The following FAT3 variants were observed in gnomAD, a reference collection of about 807,000 sequenced individuals.
FAT3 encodes the protein FAT atypical cadherin 3, also known as protocadherin Fat 3.
A neutral mutation model predicts 310.2 loss-of-function variants in FAT3; 95 were observed. The observed-to-expected ratio is 0.31, with a 90% confidence interval of 0.26 to 0.36. The LOEUF (loss-of-function observed/expected upper bound fraction) is 0.36, where lower values mean the gene tolerates loss of function less well. Among genes scored for constraint, FAT3 ranks in the 10% least tolerant of loss-of-function variants. The pLI, the probability that FAT3 is intolerant of heterozygous loss-of-function variation, is 1.00. For synonymous variants in FAT3, 2,314 were observed against 2,192.9 expected, an observed-to-expected ratio of 1.06 and a Z score of -1.54; for missense variants, 5,408 against 5,715.6, an observed-to-expected ratio of 0.95 and a Z score of 1.74.
chr11:92,631,099 G>C (rs1941542716), intron 3 of FAT3, among the ~76,000 whole-genome samples: 1 of 152,122 alleles, frequency 6.6e-6, no homozygotes, highest in Non-Finnish European at 1.5e-5. Context: ...CACCAAACTA[G>C]GTCAGCTGGA....
intron 6 of FAT3, chr11:92,766,599 G>A (rs1037694105): frequency 6.6e-6 from 1 of 152,234 alleles, no homozygotes; most frequent in Non-Finnish European, 1.5e-5. Flanking sequence ...TGAAATGATG[G>A]TGGAACATTT....
At chr11:92,506,109 A>G (rs751155596) in intron 2 of FAT3, among the ~76,000 whole-genome samples, 2 of 152,154 alleles carry the variant, frequency 1.3e-5, no homozygotes, top group African/African-American at 2.4e-5. Flanking sequence ...AAAATTCCCC[A>G]TAAAACACAC....
At chr11:92,253,112 C>G (rs1047742796) in intron 1 of FAT3, among the ~76,000 whole-genome samples, 1 of 152,008 alleles carries the variant, frequency 6.6e-6, no homozygotes, top group Non-Finnish European at 1.5e-5. Flanking sequence ...CACTGTTTTG[C>G]AGGCTCACTT....
Position 92,304,860 on chromosome 11 carries a change from C to A in FAT3, c.-17-47236C>A, listed in dbSNP as rs1947081504. ...ATCCTATGGGTCCTTTTGGGAGGGA[C>A]AGTTGCATCATGCTGGGTGAGGATG... On this transcript the variant is annotated intron_variant, in intron 1 of 27. Coordinates refer to ENST00000525166, the MANE Select transcript of FAT3 (RefSeq NM_001367949.2). Among the ~76,000 whole-genome samples, 2 of 152,018 alleles carry A rather than the reference C, an allele frequency of 1.3e-5. 1 individual carries two copies. Among genetic ancestry groups the A allele is most frequent in the South Asian group, 4.1e-4 (2 of 4,824 alleles).
At chr11:92,411,124 A>G (rs1188939664) in intron 2 of FAT3, among the ~76,000 whole-genome samples, 6 of 98,950 alleles carry the variant, frequency 6.1e-5, no homozygotes, top group African/African-American at 2.0e-4. Context: ...ATATATATTT[A>G]TATATTATAT....
At chr11:92,374,150 T>G (rs1949274858) in intron 2 of FAT3, among the ~76,000 whole-genome samples, 1 of 152,112 alleles carries the variant, frequency 6.6e-6, no homozygotes, top group African/African-American at 2.4e-5. Flanking sequence ...TCTTCCTTAC[T>G]TAGCCCACTG....
chr11:92,348,942 G>A (rs1459311522), intron 1 of FAT3, among the ~76,000 whole-genome samples: 2 of 152,166 alleles, frequency 1.3e-5, no homozygotes, highest in African/African-American at 4.8e-5. Context: ...TTTGCTTCCT[G>A]TGTGGTGGGT....
Position 92,798,609 on chromosome 11 carries a change from C to A in FAT3, c.5596C>A (p.Pro1866Thr). The A allele has an allele frequency of 6.2e-7, 1 of 1,613,772 alleles. No homozygotes were observed. Among genetic ancestry groups the A allele is most frequent in the Non-Finnish European group, 8.5e-7 (1 of 1,179,848 alleles). ...TAGCCCCCAACTGACTGCAGAGAGT[C>A]CCGTTGAAGTCAACATTGAGGTGAC... ...SGSPQLTAES[P>T]VEVNIEVTDV... is the part of the protein sequence containing the mutation. The change falls in exon 10 of 28, where the codon CCC becomes ACC. Residue 1866 changes from proline (P) to threonine (T), a missense_variant. Coordinates refer to ENST00000525166, the MANE Select transcript of FAT3 (RefSeq NM_001367949.2).
chr11:92,741,715 A>G (rs1945515622), intron 4 of FAT3, among the ~76,000 whole-genome samples: 1 of 152,116 alleles, frequency 6.6e-6, no homozygotes, highest in East Asian at 1.9e-4. Flanking sequence ...TCCAAGATGA[A>G]CCATCTTTCT....
chr11:92,849,568 C>A (rs58089922), intron 19 of FAT3, among the ~76,000 whole-genome samples: 8,035 of 152,218 alleles, frequency 0.053, 281 homozygotes, highest in South Asian at 0.13. Context: ...CAAGAAGTTC[C>A]TTTGCTCCTT....
At chr11:92,718,235 A>G (rs149378190) in intron 4 of FAT3, among the ~76,000 whole-genome samples, 7 of 152,316 alleles carry the variant, frequency 4.6e-5, no homozygotes, top group South Asian at 2.1e-4. Flanking sequence ...ATGATGCCAC[A>G]CACACACCAA....
At position 92,890,541 on chromosome 11, in the gene FAT3, A is replaced by T. The variant is rs778759830; in HGVS notation, c.13198A>T (p.Ile4400Leu). The change falls in exon 28 of 28, where the codon ATA (isoleucine) becomes TTA (leucine). Residue 4400 changes from isoleucine (I) to leucine (L), a missense_variant. Ile to Leu is a conservative substitution (Grantham distance 5). This residue lies in a region of FAT3 where 649 missense variants were observed against 666.2 expected (regional missense o/e 0.97). Transcript: ENST00000525166. ...DWMPGARLSD[I>L]EEVPNYENQD... ...GATGCCAGGGGCCCGCCTGTCGGAC[A>T]TAGAGGAAGTGCCCAACTATGAGAA... is the stretch of plus-strand genomic sequence containing the variant. The T allele has an allele frequency of 6.2e-7, 1 of 1,612,502 alleles. No individual in the cohort carries two copies. The highest frequency in any genetic ancestry group is 8.5e-7 in the Non-Finnish European group (1 of 1,179,522).
At chr11:92,796,422 G>C (rs568373865) in intron 9 of FAT3, among the ~76,000 whole-genome samples, 38 of 152,214 alleles carry the variant, frequency 2.5e-4, no homozygotes, top group Non-Finnish European at 4.7e-4. Context: ...TCTTGAAATA[G>C]ATGTTACATG....
chr11:92,612,283 C>G (rs1940601124), intron 3 of FAT3, among the ~76,000 whole-genome samples: 1 of 152,196 alleles, frequency 6.6e-6, no homozygotes, highest in Non-Finnish European at 1.5e-5. Flanking sequence ...CTGCGAAAAT[C>G]TCCCACTTTG....
intron 2 of FAT3, among the ~76,000 whole-genome samples, chr11:92,374,326 T>G (rs11606918): frequency 0.15 from 22,310 of 152,252 alleles, 1,637 homozygotes; most frequent in South Asian, 0.18. Flanking sequence ...TATCACACAT[T>G]ATGCATGTTT....
At chr11:92,462,154 TATTTTTATTTTTTCTTTCTA>T (rs1414898048) in intron 2 of FAT3, among the ~76,000 whole-genome samples, 1 of 152,210 alleles carries the variant, frequency 6.6e-6, no homozygotes, top group African/African-American at 2.4e-5. Context: ...AGGTTGTTTT[TATTTTTATTTTTTCTTTCTA>T]ATTTTTATTT....
chr11:92,378,050 C>A (rs531516864), intron 2 of FAT3, among the ~76,000 whole-genome samples: 1 of 152,008 alleles, frequency 6.6e-6, no homozygotes, highest in South Asian at 2.1e-4. Flanking sequence ...TTTTTTTCAG[C>A]CATTTAAGGT....
intron 22 of FAT3, among the ~76,000 whole-genome samples, chr11:92,876,749 C>T (rs539438016): frequency 6.6e-4 from 101 of 152,350 alleles, no homozygotes; most frequent in African/African-American, 2.3e-3. Flanking sequence ...AATCATTCTT[C>T]CTTCTGTACC....
intron 2 of FAT3, among the ~76,000 whole-genome samples, chr11:92,479,879 G>A (rs748965480): frequency 2.8e-4 from 43 of 152,040 alleles, no homozygotes; most frequent in African/African-American, 8.7e-4. Flanking sequence ...TGTCCATCTC[G>A]TCTATCCAGT....
Sources: gnomAD v4.1 joint callset for allele counts (sites outside exome capture counted in the v4.1 genomes callset) on GRCh38, gnomAD v4.1.1 for gene constraint, gnomAD v4.1.1 regional missense constraint, MANE v1.5 for transcripts, NCBI Gene and HGNC (gene_info 2026-07-23, HGNC 2026-07-21) for gene names.